The following WDHD1 variants were observed in gnomAD, a reference collection of about 807,000 sequenced individuals.
WDHD1 encodes WD repeat and HMG-box DNA-binding protein 1.
In WDHD1, 111 loss-of-function variants were observed where a neutral mutation model predicts 135.4. The ratio of observed to expected loss-of-function variants is 0.82; its 90% confidence interval spans 0.70 to 0.96. The LOEUF (loss-of-function observed/expected upper bound fraction) is 0.96. Ranked by LOEUF, WDHD1 falls within the 40% of genes least tolerant of loss-of-function variation. The pLI is 0.00. For synonymous variants in WDHD1, 434 were observed against 439.0 expected (o/e 0.99, Z 0.14); for missense variants, 1,351 against 1,336.3 (o/e 1.01, Z -0.17).
At chr14:55,017,086 C>T (rs2042272884) in intron 2 of WDHD1, among the ~76,000 whole-genome samples, 1 of 152,162 alleles carries the variant, frequency 6.6e-6, no homozygotes, top group Admixed American at 6.5e-5. Context: ...GAAGTTCATT[C>T]TGCTGAAAGT....
At position 55,013,506 on chromosome 14, in the gene WDHD1, C is replaced by A. The variant is rs1289937625; in HGVS notation, c.168G>T (p.Lys56Asn). 6.2e-7 allele frequency: 1 copy of A among 1,613,542 alleles called. No homozygotes were observed. Among genetic ancestry groups the A allele is most frequent in the African/African-American group, 1.3e-5 (1 of 74,852 alleles). Residue 56 changes from lysine (K) to asparagine (N), a missense_variant, in exon 3 of 26, where the codon AAG (lysine) becomes AAT (asparagine). Coordinates refer to ENST00000360586, the MANE Select transcript of WDHD1 (RefSeq NM_007086.4). ...CTACCTTCAAAGCACATGAATATGC[C>A]TTTTCTCCAACATTAATGAACTTAG... Reference protein sequence around the residue: ...DDPKFINVGEKAYSCALKSGK... With the variant: ...DDPKFINVGENAYSCALKSGK...
rs1308082726 is a variant in WDHD1, at chr14:55,008,340, G to C, written c.480C>G (p.Val160=). The C allele has an allele frequency of 6.2e-7, 1 of 1,613,288 alleles. No homozygotes were observed. Among genetic ancestry groups the C allele is most frequent in the South Asian group, 1.1e-5 (1 of 90,940 alleles). ...FLASASCDGS[V]RVWQISDQTC... ...CCTGATCTGAAATTTGCCACACTCT[G>C]ACAGATCCATCACAACTAGCTGATG... The change falls in exon 6 of 26, where the codon GTC becomes GTG. Residue 160 remains valine (V), a synonymous_variant. Coordinates refer to ENST00000360586, the MANE Select transcript of WDHD1 (RefSeq NM_007086.4).
Position 54,995,586 on chromosome 14 carries a change from C to G in WDHD1, c.1153+17G>C, listed in dbSNP as rs747686438. 6.4e-7 allele frequency: 1 copy of G among 1,563,294 alleles called. No individual in the cohort carries two copies. Among genetic ancestry groups the G allele is most frequent in the South Asian group, 1.2e-5 (1 of 83,706 alleles). ...TTAATCAACAGGGTAATCACATGCACAAAGTCAAATTCTTACCAACTGAGT... is the reference window on the plus strand; with the variant it reads ...TTAATCAACAGGGTAATCACATGCAGAAAGTCAAATTCTTACCAACTGAGT... On this transcript the variant is annotated intron_variant, in intron 11 of 25. Transcript: ENST00000360586.
At chr14:54,943,519 C>T (rs2040871140) in intron 25 of WDHD1, among the ~76,000 whole-genome samples, 1 of 152,130 alleles carries the variant, frequency 6.6e-6, no homozygotes, top group Non-Finnish European at 1.5e-5. Context: ...CCACCTCAAC[C>T]TCCTGAGTAA....
chr14:54,966,310 G>A (rs922392135), intron 18 of WDHD1, among the ~76,000 whole-genome samples, 165 bp downstream of exon 18: 3 of 151,306 alleles, frequency 2.0e-5, no homozygotes, highest in Non-Finnish European at 4.4e-5. Context: ...ACTCCAGCCT[G>A]GGTGACAGAA....
chr14:54,953,057 AG>A (rs2041088907), intron 24 of WDHD1, among the ~76,000 whole-genome samples: 1 of 152,232 alleles, frequency 6.6e-6, no homozygotes, highest in African/African-American at 2.4e-5. Context: ...TTCAGGATAT[AG>A]GAATGTGCAA....
At chr14:54,992,216 C>G (rs957660605) in intron 11 of WDHD1, among the ~76,000 whole-genome samples, 1 of 152,072 alleles carries the variant, frequency 6.6e-6, no homozygotes, top group African/African-American at 2.4e-5. Flanking sequence ...AAGAGCTGGG[C>G]ACAGTGGCTC....
chr14:55,018,125 ACT>A (rs1453742133), intron 2 of WDHD1, among the ~76,000 whole-genome samples: 1 of 152,002 alleles, frequency 6.6e-6, no homozygotes, highest in Non-Finnish European at 1.5e-5. Context: ...AGAGCGAGCG[ACT>A]CTGTAAAACA....
intron 2 of WDHD1, among the ~76,000 whole-genome samples, chr14:55,016,153 CTTTTAG>C (rs2042258931): frequency 6.6e-6 from 1 of 152,124 alleles, no homozygotes; most frequent in Admixed American, 6.5e-5. Flanking sequence ...TTCTAAAGAG[CTTTTAG>C]AGTAGTCTGA....
At chr14:54,944,538 G>T in intron 24 of WDHD1, 68 bp from the exon 25 acceptor site, 2 of 1,371,766 alleles carry the variant, frequency 1.5e-6, no homozygotes, top group Admixed American at 2.8e-5. Context: ...ATGATTTTAA[G>T]TTAGTAATCA....
At chr14:54,992,682 G>A (rs2041811339) in intron 11 of WDHD1, among the ~76,000 whole-genome samples, 1 of 152,054 alleles carries the variant, frequency 6.6e-6, no homozygotes, top group South Asian at 2.1e-4. Flanking sequence ...TGGGAGGCTG[G>A]GGAGGGAATA....
intron 7 of WDHD1, among the ~76,000 whole-genome samples, chr14:55,003,954 C>T (rs2042021436): frequency 6.6e-6 from 1 of 152,180 alleles, no homozygotes; most frequent in South Asian, 2.1e-4. Flanking sequence ...ATACTTTGCA[C>T]ACTATGGAAA....
At chr14:54,972,035 G>GGCCGAGGCGGGTGGAT (rs1295995175) in intron 16 of WDHD1, among the ~76,000 whole-genome samples, 13 of 151,932 alleles carry the variant, frequency 8.6e-5, no homozygotes, top group African/African-American at 3.1e-4. Flanking sequence ...CACTTTGGGA[G>GGCCGAGGCGGGTGGAT]GCCGAGGCGG....
rs1376739087 is a variant in WDHD1, at chr14:55,010,691, T to C, written c.190-231A>G. 2.6e-5 allele frequency among the ~76,000 whole-genome samples: 4 copies of C among 152,254 alleles called. No homozygotes were observed. In the East Asian group the frequency reaches 7.7e-4, roughly 29 times the overall value. The stretch of plus-strand genomic sequence containing the variant: ...AAGCAGCCTATCTCTTAGCCTCTAA[T>C]TTTTCTTTTACTTCTGGTAAGAAAA... On this transcript the variant is annotated intron_variant, in intron 3 of 25. Coordinates refer to ENST00000360586, the MANE Select transcript of WDHD1 (RefSeq NM_007086.4).
At chr14:54,956,449 C>T (rs1317109864) in intron 23 of WDHD1, among the ~76,000 whole-genome samples, 1 of 151,926 alleles carries the variant, frequency 6.6e-6, no homozygotes. Context: ...ACCAGCCTGG[C>T]CATCATGCTG....
chr14:54,966,614 A>G lies in WDHD1; in HGVS notation c.2179-8T>C. On this transcript the variant is annotated splice_polypyrimidine_tract_variant and splice_region_variant and intron_variant, in intron 17 of 25. Coordinates refer to ENST00000360586, the MANE Select transcript of WDHD1 (RefSeq NM_007086.4). ...TGAACGCCAAAATTGCTCCTATAAA[A>G]GCAAATAAAATTGCTTAAGGCCAAC... 6.3e-7 allele frequency: 1 copy of G among 1,597,906 alleles called. No individual in the cohort carries two copies. Among genetic ancestry groups the G allele is most frequent in the Non-Finnish European group, 8.5e-7 (1 of 1,174,986 alleles).
At chr14:54,995,201 G>C (rs1234995021) in intron 11 of WDHD1, among the ~76,000 whole-genome samples, 1 of 152,100 alleles carries the variant, frequency 6.6e-6, no homozygotes, top group Non-Finnish European at 1.5e-5. Context: ...GGCTGGTCTT[G>C]AACTCCTGAC....
At chr14:54,955,814 T>A in intron 23 of WDHD1, 120 bp from the exon 24 acceptor site, 1 of 966,162 alleles carries the variant, frequency 1.0e-6, no homozygotes, top group Non-Finnish European at 1.4e-6. Context: ...TACTAACATG[T>A]GAAATCTGGA....
intron 11 of WDHD1, among the ~76,000 whole-genome samples, chr14:54,992,026 G>A (rs2041800873): frequency 6.6e-6 from 1 of 152,206 alleles, no homozygotes; most frequent in African/African-American, 2.4e-5. Context: ...GGCCGAGGCA[G>A]GCAGATCACT....
Sources: gnomAD v4.1 joint callset for allele counts (sites outside exome capture counted in the v4.1 genomes callset) on GRCh38, gnomAD v4.1.1 for gene constraint, MANE v1.5 for transcripts, NCBI Gene and HGNC (gene_info 2026-07-23, HGNC 2026-07-21) for gene names.